The following KDM6A variants were observed in gnomAD, a reference collection of about 807,000 sequenced individuals.
KDM6A encodes lysine-specific demethylase 6A.
KDM6A carries 11 observed loss-of-function variants against 117.6 expected under a neutral mutation model. The ratio of observed to expected loss-of-function variants is 0.09; its 90% CI spans 0.06 to 0.15. The LOEUF (loss-of-function observed/expected upper bound fraction) is 0.15. KDM6A is among the 10% of genes least tolerant of loss of function. KDM6A has a pLI of 1.00. For missense variants in KDM6A, 799 were observed against 1,077.3 expected, an observed-to-expected ratio of 0.74 and a Z score of 3.62; for synonymous variants, 384 against 396.1, an observed-to-expected ratio of 0.97 and a Z score of 0.36.
chrX:45,009,685 C>T (rs1169723268), intron 4 of KDM6A, among the ~76,000 whole-genome samples: 1 of 111,583 alleles, frequency 9.0e-6, no homozygotes, highest in East Asian at 2.8e-4. Flanking sequence ...TAATGAATTA[C>T]AGAAGTTGTA....
At chrX:44,933,905 C>T (rs1161160496) in intron 2 of KDM6A, among the ~76,000 whole-genome samples, 2 of 111,931 alleles carry the variant, frequency 1.8e-5, no homozygotes, top group Non-Finnish European at 3.8e-5. Flanking sequence ...AGGATAATGT[C>T]GATATTTTAA....
chrX:44,940,764 G>A (rs901677684), intron 2 of KDM6A, among the ~76,000 whole-genome samples: 2 of 111,791 alleles, frequency 1.8e-5, no homozygotes, highest in African/African-American at 3.3e-5. Context: ...GGCAAGGTAC[G>A]GTGACTCACG....
intron 18 of KDM6A, among the ~76,000 whole-genome samples, chrX:45,073,312 G>T (rs1479422671): frequency 9.0e-6 from 1 of 111,508 alleles, no homozygotes; most frequent in Admixed American, 9.5e-5. Flanking sequence ...TTGCTATTGT[G>T]AATAGTGCCA....
intron 4 of KDM6A, among the ~76,000 whole-genome samples, chrX:44,983,374 A>G (rs1272381826): frequency 9.0e-6 from 1 of 111,654 alleles, no homozygotes; most frequent in Non-Finnish European, 1.9e-5. Context: ...TCTTTTGACA[A>G]TGCAGAAATG....
At chrX:44,963,381 A>T (rs1290723146) in intron 3 of KDM6A, among the ~76,000 whole-genome samples, 1 of 106,723 alleles carries the variant, frequency 9.4e-6, no homozygotes. Context: ...TGGGAGGTTG[A>T]GGAGGTTGAG....
intron 4 of KDM6A, among the ~76,000 whole-genome samples, chrX:44,983,264 G>A (rs1307929268): frequency 1.8e-5 from 2 of 111,440 alleles, no homozygotes; most frequent in Admixed American, 1.9e-4. Context: ...AATAGGTAGT[G>A]GATAAACTAG....
chrX:45,009,893 T>A (rs2041677379), intron 4 of KDM6A, among the ~76,000 whole-genome samples: 1 of 111,796 alleles, frequency 8.9e-6, no homozygotes, highest in Non-Finnish European at 1.9e-5. Context: ...CTCAGATACT[T>A]CTCAAATAAA....
intron 2 of KDM6A, among the ~76,000 whole-genome samples, chrX:44,902,444 C>T (rs1272957248): frequency 2.8e-5 from 3 of 107,613 alleles, no homozygotes; most frequent in Non-Finnish European, 3.8e-5. Context: ...GGCTGGAGTG[C>T]AGTGGCATGA....
chrX:45,105,228 TTAAA>T (rs1245737822), intron 27 of KDM6A, among the ~76,000 whole-genome samples: 1 of 111,791 alleles, frequency 8.9e-6, no homozygotes, highest in East Asian at 2.8e-4. Context: ...GCTCAACCAC[TTAAA>T]TAGCTTTATG....
At chrX:44,883,403 C>T (rs1259673763) in intron 2 of KDM6A, among the ~76,000 whole-genome samples, 7 of 109,043 alleles carry the variant, frequency 6.4e-5, no homozygotes, top group East Asian at 2.9e-4. Flanking sequence ...GACAGAGTCT[C>T]GCTCTGTCGT....
At chrX:44,981,839 T>G (rs2147308468) in intron 4 of KDM6A, among the ~76,000 whole-genome samples, 1 of 111,801 alleles carries the variant, frequency 8.9e-6, no homozygotes, top group Admixed American at 9.5e-5. Flanking sequence ...ATCCCAGCAC[T>G]TTGGGAGGCC....
At chrX:44,934,615 C>T (rs1199070384) in intron 2 of KDM6A, among the ~76,000 whole-genome samples, 1 of 111,268 alleles carries the variant, frequency 9.0e-6, no homozygotes, top group Non-Finnish European at 1.9e-5. Flanking sequence ...TTAGGTTCTA[C>T]TCTTTATTAC....
intron 27 of KDM6A, among the ~76,000 whole-genome samples, chrX:45,099,214 C>T (rs1046428187): frequency 1.8e-5 from 2 of 110,806 alleles, no homozygotes; most frequent in African/African-American, 6.6e-5. Context: ...ATACGATTTA[C>T]CATATCTAGG....
chrX:45,026,831 C>CAAA (rs779434779), intron 6 of KDM6A, among the ~76,000 whole-genome samples: 1 of 42,679 alleles, frequency 2.3e-5, no homozygotes, highest in East Asian at 8.6e-4. Context: ...AACTCCATCT[C>CAAA]AAAAAAAAAA....
At chrX:44,931,150 C>T (rs757662980) in intron 2 of KDM6A, among the ~76,000 whole-genome samples, 2 of 111,187 alleles carry the variant, frequency 1.8e-5, no homozygotes, top group South Asian at 3.8e-4. Flanking sequence ...CTGCAACCTC[C>T]GCCTCCCGGG....
At chrX:45,038,267 C>G (rs1357889758) in intron 8 of KDM6A, among the ~76,000 whole-genome samples, 1 of 111,495 alleles carries the variant, frequency 9.0e-6, no homozygotes, top group Non-Finnish European at 1.9e-5. Context: ...CATTTGCAAG[C>G]TCAAATGGCT....
chrX:45,020,766 A>G (rs1416155941), intron 6 of KDM6A, 36 bp downstream of exon 6: 1 of 1,193,749 alleles, frequency 8.4e-7, no homozygotes, highest in Admixed American at 2.2e-5. Flanking sequence ...ACAATGTTTA[A>G]TTTTGTGGTT....
At chrX:45,036,916 A>G (rs901090402) in intron 7 of KDM6A, among the ~76,000 whole-genome samples, 7 of 113,145 alleles carry the variant, frequency 6.2e-5, no homozygotes, top group Admixed American at 1.9e-4. Context: ...TGAGTGCCAC[A>G]TGGCATAAAA....
intron 2 of KDM6A, among the ~76,000 whole-genome samples, chrX:44,883,918 C>T (rs1158483344): frequency 2.8e-5 from 3 of 108,936 alleles, no homozygotes; most frequent in African/African-American, 1.0e-4. Context: ...GCCTGACCAA[C>T]ATGGATAAAC....
Sources: allele counts gnomAD v4.1 joint callset (sites outside exome capture counted in the v4.1 genomes callset), GRCh38; gene constraint gnomAD v4.1.1; transcripts MANE v1.5; gene names NCBI Gene and HGNC (gene_info 2026-07-23, HGNC 2026-07-21).